FOXN2: variants seen among roughly 807,000 people sequenced by gnomAD.
The protein encoded by FOXN2 is forkhead box protein N2.
FOXN2 carries 19 observed loss-of-function variants against 41.2 expected under a neutral mutation model. The ratio of observed to expected loss-of-function variants is 0.46; its 90% CI spans 0.32 to 0.68. The LOEUF (loss-of-function observed/expected upper bound fraction) is 0.68, where lower values mean the gene tolerates loss of function less well. Ranked by LOEUF, FOXN2 falls within the 30% of genes least tolerant of loss-of-function variation. The pLI is 0.03. For synonymous variants in FOXN2, 195 were observed against 176.8 expected, an observed-to-expected ratio of 1.10 and a Z score of -0.82; for missense variants, 587 against 509.4, an observed-to-expected ratio of 1.15 and a Z score of -1.47.
chr2:48,371,229 C>T (rs894885968), intron 5 of FOXN2, among the ~76,000 whole-genome samples: 3 of 152,118 alleles, frequency 2.0e-5, no homozygotes, highest in Non-Finnish European at 4.4e-5. Context: ...GAAATTCCAT[C>T]TCTACTAAAA....
Position 48,376,979 on chromosome 2 carries a change from T to G in FOXN2, c.*1536T>G, listed in dbSNP as rs1359613982. On this transcript the variant is annotated 3_prime_UTR_variant, in exon 7 of 7. Transcript: ENST00000340553. The stretch of plus-strand genomic sequence containing the variant: ...TAAAGCATTTTTTAAGAGACAAATT[T>G]TAACTTTTAATTTTTATTTTGGCAA... 6.6e-6 allele frequency: 1 copy of G among 152,198 alleles called. No individual in the cohort carries two copies. Among genetic ancestry groups the G allele is most frequent in the African/African-American group, 2.4e-5 (1 of 41,458 alleles). The allele number at this position is 152,198 out of a possible 1,614,324, so 9.4% of individuals were successfully genotyped here.
intron 3 of FOXN2, 110 bp downstream of exon 3, chr2:48,346,861 C>T: frequency 1.2e-6 from 1 of 841,944 alleles, no homozygotes; most frequent in South Asian, 2.1e-5. Context: ...AGTCAAATTA[C>T]TTCAGCTGAA....
chr2:48,319,935 C>G (rs1196893572), intron 1 of FOXN2, among the ~76,000 whole-genome samples: 4 of 151,370 alleles, frequency 2.6e-5, no homozygotes, highest in Non-Finnish European at 4.4e-5. Context: ...CCTGGCCAAT[C>G]TTTAAATTAA....
At chr2:48,348,978 T>C (rs1251864882) in intron 3 of FOXN2, among the ~76,000 whole-genome samples, 2 of 152,178 alleles carry the variant, frequency 1.3e-5, no homozygotes, top group African/African-American at 2.4e-5. Flanking sequence ...CCAGCATTAG[T>C]CTTAAACAGG....
chr2:48,317,916 G>A (rs1669040433), intron 1 of FOXN2, among the ~76,000 whole-genome samples: 1 of 151,788 alleles, frequency 6.6e-6, no homozygotes, highest in African/African-American at 2.4e-5. Flanking sequence ...TTATAGTATT[G>A]TTTTATTAAT....
intron 2 of FOXN2, among the ~76,000 whole-genome samples, chr2:48,340,068 A>T (rs1670642110): frequency 6.6e-6 from 1 of 152,224 alleles, no homozygotes; most frequent in Admixed American, 6.5e-5. Flanking sequence ...TAAGGATTCT[A>T]ACATCTGGGA....
upstream of FOXN2, chr2:48,314,670 G>C (rs1045216843): frequency 6.5e-6 from 1 of 152,900 alleles, no homozygotes; most frequent in Non-Finnish European, 1.5e-5. Context: ...ATGTGGTGCT[G>C]CCGGGGCCGC....
intron 5 of FOXN2, among the ~76,000 whole-genome samples, chr2:48,371,351 C>T (rs888847580): frequency 6.6e-6 from 1 of 152,030 alleles, no homozygotes; most frequent in Non-Finnish European, 1.5e-5. Flanking sequence ...GACCCGAGAA[C>T]ACTCCTCTGC....
chr2:48,359,169 G>A (rs1301445044), intron 4 of FOXN2, 22 bp downstream of exon 4: 1 of 1,543,530 alleles, frequency 6.5e-7, no homozygotes, highest in South Asian at 1.1e-5. Context: ...CCATATAACT[G>A]TCAGTGGTGA....
In FOXN2 at chr2:48,364,685, A is replaced by G. The variant is rs190484647; in HGVS notation, c.703+1978A>G. 7.2e-5 allele frequency among the ~76,000 whole-genome samples: 11 copies of G among 152,388 alleles called. No homozygotes were observed. In the South Asian group the frequency reaches 1.4e-3, roughly 20 times the overall value. ...GGTTGGCAAACTATGGCCCATGGCC[A>G]TTTCTGGCCTGACATCTGTTTTTGG... is the stretch of plus-strand genomic sequence containing the variant. On this transcript the variant is annotated intron_variant, in intron 5 of 6. Transcript: ENST00000340553.
chr2:48,346,686 A>G lies in FOXN2; in HGVS notation c.472A>G (p.Asn158Asp). Residue 158 changes from asparagine (N) to aspartate (D), a missense_variant, in exon 3 of 7, where the codon AAT becomes GAT. Physicochemically the swap from Asn to Asp is conservative, Grantham distance 23. Coordinates refer to ENST00000340553, the MANE Select transcript of FOXN2 (RefSeq NM_002158.4). The stretch of plus-strand genomic sequence containing the variant: ...TGCTACTGCACCAACAGGCTGGAAG[A>G]ATTCTGTTCGACATAATCTGTCCCT... ...YFATAPTGWK[N>D]SVRHNLSLNK... 1 of 1,612,442 alleles carries G rather than the reference A, an allele frequency of 6.2e-7. No individual in the cohort carries two copies. The highest frequency in any genetic ancestry group is 8.5e-7 in the Non-Finnish European group (1 of 1,179,548).
At position 48,377,036 on chromosome 2, in the gene FOXN2, C is replaced by T. The variant is rs1673299227; in HGVS notation, c.*1593C>T. 6.6e-6 allele frequency: 1 copy of T among 151,716 alleles called. No individual in the cohort carries two copies. The highest frequency in any genetic ancestry group is 1.5e-5 in the Non-Finnish European group (1 of 67,798). 9.4% of individuals were successfully genotyped at this position (151,716 alleles called of 1,614,324 possible). Reference sequence around the variant, plus strand: ...CAAATGAGAAAAATGATTTTAAAAACTTTTTTTTCAATTGACAAGACTTTA... The same window carrying T: ...CAAATGAGAAAAATGATTTTAAAAATTTTTTTTTCAATTGACAAGACTTTA... On this transcript the variant is annotated 3_prime_UTR_variant, in exon 7 of 7. Coordinates refer to ENST00000340553, the MANE Select transcript of FOXN2 (RefSeq NM_002158.4).
At chr2:48,374,851 A>G (rs1558644398) in intron 6 of FOXN2, 69 bp from the exon 7 acceptor site, 9 of 1,265,156 alleles carry the variant, frequency 7.1e-6, no homozygotes, top group South Asian at 2.9e-5. Flanking sequence ...GTAATGTAGT[A>G]GTTTAAAATT....
intron 3 of FOXN2, among the ~76,000 whole-genome samples, chr2:48,347,714 G>A (rs114154638): frequency 2.0e-5 from 3 of 152,266 alleles, no homozygotes; most frequent in African/African-American, 7.2e-5. Flanking sequence ...AGAAAAAGTT[G>A]CTTGGCACCT....
At chr2:48,316,119 C>T (rs1001422558) in intron 1 of FOXN2, among the ~76,000 whole-genome samples, 3 of 152,046 alleles carry the variant, frequency 2.0e-5, no homozygotes, top group African/African-American at 7.2e-5. Context: ...TGTCGCCTCG[C>T]ATGTACATTT....
At chr2:48,335,155 A>G (rs960264783) in intron 2 of FOXN2, among the ~76,000 whole-genome samples, 8 of 152,238 alleles carry the variant, frequency 5.3e-5, no homozygotes, top group African/African-American at 1.9e-4. Context: ...CAGATGTGCA[A>G]ATAGTTCACG....
intron 2 of FOXN2, among the ~76,000 whole-genome samples, chr2:48,338,598 A>G (rs1196319741): frequency 2.0e-5 from 3 of 151,868 alleles, no homozygotes; most frequent in Admixed American, 2.0e-4. Flanking sequence ...AGGGGGTTTC[A>G]CCGTGCTAGT....
chr2:48,360,516 A>G (rs1008027644), intron 4 of FOXN2, among the ~76,000 whole-genome samples: 8 of 152,182 alleles, frequency 5.3e-5, no homozygotes. Context: ...TGGGAAGGCT[A>G]AAGTTGAAAT....
intron 5 of FOXN2, among the ~76,000 whole-genome samples, chr2:48,372,616 C>T (rs1672977305): frequency 6.6e-6 from 1 of 151,998 alleles, no homozygotes; most frequent in Non-Finnish European, 1.5e-5. Flanking sequence ...GGTATGAGAG[C>T]ATAACTTTAT....
Sources: allele counts gnomAD v4.1 joint callset (sites outside exome capture counted in the v4.1 genomes callset), GRCh38; gene constraint gnomAD v4.1.1; transcripts MANE v1.5; gene names NCBI Gene and HGNC (gene_info 2026-07-23, HGNC 2026-07-21).